The following ASIC2 variants were observed in gnomAD, a reference collection of about 807,000 sequenced individuals.
ASIC2 encodes acid sensing ion channel subunit 2.
A neutral mutation model predicts 57.3 loss-of-function variants in ASIC2; 25 were observed. The ratio of observed to expected loss-of-function variants is 0.44; its 90% CI spans 0.32 to 0.61. The LOEUF (loss-of-function observed/expected upper bound fraction) is 0.61. Among genes scored for constraint, ASIC2 ranks in the 20% least tolerant of loss-of-function variants. The pLI, the probability that ASIC2 is intolerant of heterozygous loss-of-function variation, is 0.06. For missense variants in ASIC2, 641 were observed against 738.1 expected, an observed-to-expected ratio of 0.87 and a Z score of 1.52; for synonymous variants, 319 against 307.5, an observed-to-expected ratio of 1.04 and a Z score of -0.39.
intron 1 of ASIC2, among the ~76,000 whole-genome samples, chr17:33,587,498 T>A (rs117458176): frequency 1.3e-5 from 2 of 152,354 alleles, no homozygotes; most frequent in East Asian, 3.9e-4. Flanking sequence ...AAAAGGAGTT[T>A]AGTGAGAGCA....
intron 1 of ASIC2, among the ~76,000 whole-genome samples, chr17:33,151,166 AACACACACACACACGC>A (rs1420669547): frequency 6.9e-6 from 1 of 144,938 alleles, no homozygotes; most frequent in Admixed American, 6.8e-5. Context: ...TCTCTACTAA[AACACACACACACACGC>A]ACACACACAC....
intron 3 of ASIC2, among the ~76,000 whole-genome samples, chr17:33,074,396 C>T (rs577098770): frequency 6.6e-6 from 1 of 152,298 alleles, no homozygotes; most frequent in East Asian, 1.9e-4. Flanking sequence ...TGCTGTGTGC[C>T]TTTGCTGGTT....
At chr17:33,097,827 G>A (rs1448269174) in intron 2 of ASIC2, among the ~76,000 whole-genome samples, 2 of 152,286 alleles carry the variant, frequency 1.3e-5, no homozygotes, top group Middle Eastern at 3.4e-3. Flanking sequence ...TGGTGGAAAG[G>A]GCATGCTGAT....
chr17:33,023,895 C>T lies in ASIC2; in HGVS notation c.1315G>A (p.Glu439Lys). 6.2e-7 allele frequency: 1 copy of T among 1,614,208 alleles called. No individual in the cohort carries two copies. Among genetic ancestry groups the T allele is most frequent in the Non-Finnish European group, 8.5e-7 (1 of 1,180,040 alleles). ...IPSKTSAKYL[E>K]KKFNKSEKYI... ...TTTTCTGATTTGTTAAATTTCTTCT[C>T]AAGGTACTTGGCTGATGTCTTGCTG... Residue 439 changes from glutamate to lysine, a missense_variant, in exon 6 of 10, where the codon GAG becomes AAG. Glu to Lys is a moderately conservative substitution (Grantham distance 56, BLOSUM62 1). Transcript: ENST00000225823.
chr17:33,997,777 AT>A (rs200308051), intron 1 of ASIC2, among the ~76,000 whole-genome samples: 16,884 of 147,908 alleles, frequency 0.11, 1,293 homozygotes, highest in East Asian at 0.35. Flanking sequence ...TGGCTTGCTA[AT>A]TTTTTTTTTT....
intron 1 of ASIC2, among the ~76,000 whole-genome samples, chr17:33,817,005 G>A (rs528447431): frequency 3.4e-4 from 52 of 152,310 alleles, no homozygotes; most frequent in African/African-American, 1.2e-3. Flanking sequence ...AGCTCACACC[G>A]CCTGGCAGGC....
chr17:33,544,384 A>G (rs1231879237), intron 1 of ASIC2, among the ~76,000 whole-genome samples: 1 of 152,124 alleles, frequency 6.6e-6, no homozygotes, highest in Non-Finnish European at 1.5e-5. Flanking sequence ...AAATGTTTTC[A>G]TTTCTCCTGG....
chr17:33,177,027 G>A (rs954750795), intron 1 of ASIC2, among the ~76,000 whole-genome samples: 3 of 152,172 alleles, frequency 2.0e-5, no homozygotes, highest in South Asian at 4.1e-4. Flanking sequence ...GGGTGGCTGG[G>A]GACAACTTGT....
intron 3 of ASIC2, among the ~76,000 whole-genome samples, chr17:33,080,544 T>C (rs375333962): frequency 9.2e-5 from 14 of 152,244 alleles, no homozygotes; most frequent in South Asian, 6.2e-4. Context: ...TGTTTTTTTT[T>C]CCTATATATA....
chr17:33,645,373 A>T (rs1034505562), intron 1 of ASIC2, among the ~76,000 whole-genome samples: 4 of 152,160 alleles, frequency 2.6e-5, no homozygotes, highest in African/African-American at 9.7e-5. Flanking sequence ...AAAAAGTAGA[A>T]CACTCTAAAA....
chr17:33,964,988 G>A (rs1188431250), intron 1 of ASIC2, among the ~76,000 whole-genome samples: 1 of 152,208 alleles, frequency 6.6e-6, no homozygotes, highest in Non-Finnish European at 1.5e-5. Context: ...TACACTGGTG[G>A]CTGGGTGAGT....
At chr17:33,045,521 A>G (rs192718306) in intron 3 of ASIC2, among the ~76,000 whole-genome samples, 15 of 152,292 alleles carry the variant, frequency 9.8e-5, no homozygotes, top group Admixed American at 9.2e-4. Context: ...GGAGTTACGC[A>G]GGTGTGGCTT....
intron 1 of ASIC2, among the ~76,000 whole-genome samples, chr17:33,782,071 G>T: frequency 6.6e-6 from 1 of 152,158 alleles, no homozygotes; most frequent in Non-Finnish European, 1.5e-5. Flanking sequence ...GAAGTTCTTT[G>T]TCTGATCGGT....
Position 34,156,567 on chromosome 17 carries a change from T to A in ASIC2, c.-35A>T. The A allele has an allele frequency of 6.5e-7, 1 of 1,537,996 alleles. No individual in the cohort carries two copies. Among genetic ancestry groups the A allele is most frequent in the Non-Finnish European group, 8.8e-7 (1 of 1,140,106 alleles). On this transcript the variant is annotated 5_prime_UTR_variant, in exon 1 of 10. Coordinates refer to the ASIC2 transcript ENST00000359872. This position sits in a 1 kb window ranked among gnomAD's most constrained non-coding sequence, Gnocchi z 4.4. ...GTGCAGTTCCGCAACTGGCTTCAGGTTGATCGAATTTCAGAGAAGAGCTCC... is the reference window on the plus strand; with the variant it reads ...GTGCAGTTCCGCAACTGGCTTCAGGATGATCGAATTTCAGAGAAGAGCTCC...
chr17:34,039,842 G>T, intron 1 of ASIC2: 2 of 1,606,520 alleles, frequency 1.2e-6, no homozygotes, highest in Non-Finnish European at 1.7e-6. Context: ...TTCTGCCGTC[G>T]TGGGTCCAGG....
At chr17:33,793,093 T>C (rs907471987) in intron 1 of ASIC2, among the ~76,000 whole-genome samples, 29 of 152,192 alleles carry the variant, frequency 1.9e-4, no homozygotes, top group Non-Finnish European at 4.0e-4. Context: ...AAAGAATGAA[T>C]GAAAAATAAG....
chr17:33,866,736 T>A (rs751545867), intron 1 of ASIC2, among the ~76,000 whole-genome samples: 5 of 152,162 alleles, frequency 3.3e-5, no homozygotes, highest in Non-Finnish European at 4.4e-5. Context: ...CAACCTTGAA[T>A]GGATTGAGTG....
chr17:33,881,275 A>G (rs1914692662), intron 1 of ASIC2, among the ~76,000 whole-genome samples: 1 of 152,184 alleles, frequency 6.6e-6, no homozygotes, highest in Non-Finnish European at 1.5e-5. Flanking sequence ...ATCAGGCAGG[A>G]GAAGGAAATA....
At chr17:33,764,637 T>G (rs1334382166) in intron 1 of ASIC2, among the ~76,000 whole-genome samples, 2 of 152,068 alleles carry the variant, frequency 1.3e-5, no homozygotes, top group Non-Finnish European at 1.5e-5. Flanking sequence ...CCTCTTCTTA[T>G]AAAGCCACCA....
Sources: allele counts gnomAD v4.1 joint callset (sites outside exome capture counted in the v4.1 genomes callset), GRCh38; gene constraint gnomAD v4.1.1; non-coding constraint Gnocchi (gnomAD v3.1); transcripts MANE v1.5; gene names NCBI Gene and HGNC (gene_info 2026-07-23, HGNC 2026-07-21).